Variants in GSTCD observed in about 807,000 individuals in gnomAD.
GSTCD encodes glutathione S-transferase C-terminal domain containing.
GSTCD carries 44 observed loss-of-function variants against 68.3 expected under a neutral mutation model. The observed-to-expected ratio is 0.64, with a 90% confidence interval of 0.51 to 0.83. The LOEUF is 0.83. GSTCD is among the 40% of genes least tolerant of loss of function. GSTCD has a pLI of 0.00. For synonymous variants in GSTCD, 273 were observed against 255.2 expected, an observed-to-expected ratio of 1.07 and a Z score of -0.67; for missense variants, 739 against 735.9, an observed-to-expected ratio of 1.00 and a Z score of -0.05.
At chr4:105,748,606 T>C (rs991959461) in intron 5 of GSTCD, among the ~76,000 whole-genome samples, 4 of 152,144 alleles carry the variant, frequency 2.6e-5, no homozygotes, top group Non-Finnish European at 4.4e-5. Flanking sequence ...TTATATTAAA[T>C]GGTTTAAAAT....
At chr4:105,791,356 G>A (rs1171708378) in intron 5 of GSTCD, among the ~76,000 whole-genome samples, 1 of 145,872 alleles carries the variant, frequency 6.9e-6, no homozygotes, top group Non-Finnish European at 1.5e-5. Flanking sequence ...TCGCGCCACT[G>A]CACTCCAGCC....
intron 5 of GSTCD, among the ~76,000 whole-genome samples, chr4:105,812,196 T>C (rs1267519238): frequency 6.6e-6 from 1 of 152,166 alleles, no homozygotes; most frequent in Non-Finnish European, 1.5e-5. Context: ...AAATCCAGAA[T>C]CTTTGGTTCT....
intron 5 of GSTCD, among the ~76,000 whole-genome samples, chr4:105,756,053 G>T (rs1734176678): frequency 6.6e-6 from 1 of 152,118 alleles, no homozygotes; most frequent in African/African-American, 2.4e-5. Context: ...ACATTTACTG[G>T]TTTATTAATA....
chr4:105,775,563 ATTCC>A (rs1234924519), intron 5 of GSTCD, among the ~76,000 whole-genome samples: 1 of 152,004 alleles, frequency 6.6e-6, no homozygotes, highest in Non-Finnish European at 1.5e-5. Flanking sequence ...TGTTGATGCT[ATTCC>A]TTTCTGTTTA....
chr4:105,735,918 A>G (rs1295311595), intron 5 of GSTCD, among the ~76,000 whole-genome samples: 1 of 152,172 alleles, frequency 6.6e-6, no homozygotes, highest in African/African-American at 2.4e-5. Flanking sequence ...AATAATCACA[A>G]TGCCATTATC....
At chr4:105,791,407 A>G (rs564189375) in intron 5 of GSTCD, among the ~76,000 whole-genome samples, 1 of 151,636 alleles carries the variant, frequency 6.6e-6, no homozygotes, top group Non-Finnish European at 1.5e-5. Flanking sequence ...AAAAAAAAAA[A>G]AAGAAAAAAG....
At chr4:105,823,395 A>G in intron 7 of GSTCD, 120 bp downstream of exon 7, 1 of 692,860 alleles carries the variant, frequency 1.4e-6, no homozygotes, top group Non-Finnish European at 2.5e-6. Flanking sequence ...TATGTGGCAC[A>G]GGCATTGTCT....
At chr4:105,821,765 T>C (rs910433199) in intron 5 of GSTCD, among the ~76,000 whole-genome samples, 10 of 151,912 alleles carry the variant, frequency 6.6e-5, no homozygotes. Flanking sequence ...ATTTTATATT[T>C]TATACCTAGC....
rs546220179 is a variant in GSTCD, at chr4:105,743,808, G to A, written c.1240+14309G>A. On this transcript the variant is annotated intron_variant, in intron 5 of 11. Coordinates refer to ENST00000515279, the MANE Select transcript of GSTCD (RefSeq NM_001370181.1). ...CGAGTAGCTGGGACTACAGGCGCCC[G>A]CCACCACGCCCGGCTAATTTTTTTT... Among the ~76,000 whole-genome samples the A allele has an allele frequency of 7.8e-4, 119 of 151,712 alleles. 4 individuals carry two copies. The South Asian group carries it at 0.022, about 29-fold the overall frequency.
chr4:105,790,409 A>G (rs941108587), intron 5 of GSTCD, among the ~76,000 whole-genome samples: 1 of 152,116 alleles, frequency 6.6e-6, no homozygotes, highest in African/African-American at 2.4e-5. Context: ...CTGTATTCCC[A>G]GGGAGGATCG....
chr4:105,791,820 G>A (rs75873476), intron 5 of GSTCD, among the ~76,000 whole-genome samples: 2,488 of 152,058 alleles, frequency 0.016, 84 homozygotes, highest in African/African-American at 0.056. Flanking sequence ...ATATGTCAGA[G>A]CTTTACAAAC....
intron 5 of GSTCD, among the ~76,000 whole-genome samples, chr4:105,766,291 A>G (rs942119023): frequency 2.6e-5 from 4 of 152,162 alleles, no homozygotes; most frequent in Non-Finnish European, 2.9e-5. Flanking sequence ...TTTAGTCACA[A>G]ATGAGATGGA....
rs551783917 is a variant in GSTCD, at chr4:105,807,983, A to G, written c.1241-14971A>G. ...TTCTATTATGCCTTGTACATGTATCAGTTTTCCTTCTTCTCTCTTGATCCT... is the reference window on the plus strand; with the variant it reads ...TTCTATTATGCCTTGTACATGTATCGGTTTTCCTTCTTCTCTCTTGATCCT... On this transcript the variant is annotated intron_variant, in intron 5 of 11. Transcript: ENST00000515279. 5.9e-5 allele frequency among the ~76,000 whole-genome samples: 9 copies of G among 152,188 alleles called. No homozygotes were observed. In the South Asian group the frequency reaches 1.9e-3, roughly 32 times the overall value.
At chr4:105,797,958 A>G (rs1038036294) in intron 5 of GSTCD, among the ~76,000 whole-genome samples, 1 of 151,882 alleles carries the variant, frequency 6.6e-6, no homozygotes, top group Non-Finnish European at 1.5e-5. Flanking sequence ...TAGTAGAGAC[A>G]GGGTTTCACC....
intron 4 of GSTCD, among the ~76,000 whole-genome samples, chr4:105,728,668 T>C (rs1296069625): frequency 1.0e-5 from 1 of 98,462 alleles, no homozygotes; most frequent in Non-Finnish European, 1.8e-5. Flanking sequence ...CATGGAGATA[T>C]CTAGATATAG....
At chr4:105,795,941 C>T (rs1406667428) in intron 5 of GSTCD, among the ~76,000 whole-genome samples, 4 of 150,932 alleles carry the variant, frequency 2.7e-5, no homozygotes, top group Admixed American at 6.6e-5. Flanking sequence ...CCTGTAGAAT[C>T]GAGCTTTCAC....
chr4:105,732,007 A>G (rs780486572), intron 5 of GSTCD, among the ~76,000 whole-genome samples: 18 of 152,048 alleles, frequency 1.2e-4, no homozygotes, highest in Admixed American at 5.2e-4. Flanking sequence ...ATTGATTTGC[A>G]TATGTTGAAC....
chr4:105,727,846 AG>A (rs1212088588), intron 4 of GSTCD, among the ~76,000 whole-genome samples: 4 of 152,154 alleles, frequency 2.6e-5, no homozygotes, highest in African/African-American at 4.8e-5. Context: ...AGGTGATGTG[AG>A]GATTTATTTG....
Position 105,797,760 on chromosome 4 carries a change from C to CTT in GSTCD, c.1241-25163_1241-25162dup, listed in dbSNP as rs70941218. Among the ~76,000 whole-genome samples the CTT allele has an allele frequency of 3.0e-3, 257 of 84,918 alleles. 12 individuals carry two copies. The highest frequency in any genetic ancestry group is 6.7e-3 in the African/African-American group (142 of 21,082). The allele number at this position is 84,918 out of a possible 152,430, so 55.7% of individuals were successfully genotyped here. ...TGATAGCATTTTACACACAATAGAA[C>CTT]TTTTTTTTTTTTTTTTTTTTTTTTT... On this transcript the variant is annotated intron_variant, in intron 5 of 11. Transcript: ENST00000515279.
Sources: gnomAD v4.1 joint callset for allele counts (sites outside exome capture counted in the v4.1 genomes callset) on GRCh38, gnomAD v4.1.1 for gene constraint, MANE v1.5 for transcripts, NCBI Gene and HGNC (gene_info 2026-07-23, HGNC 2026-07-21) for gene names.